Variants in NLGN1 observed in about 807,000 individuals in gnomAD.
NLGN1 encodes neuroligin-1.
NLGN1 carries 12 observed loss-of-function variants against 65.5 expected under a neutral mutation model. The observed-to-expected ratio is 0.18, with a 90% CI of 0.12 to 0.30. NLGN1 has a LOEUF of 0.30. NLGN1 is among the 10% of genes least tolerant of loss of function. The pLI is 1.00. For synonymous variants in NLGN1, 350 were observed against 359.5 expected, an observed-to-expected ratio of 0.97 and a Z score of 0.30; for missense variants, 750 against 1,007.1, an observed-to-expected ratio of 0.74 and a Z score of 3.46.
At chr3:173,938,936 G>A (rs959105040) in intron 4 of NLGN1, among the ~76,000 whole-genome samples, 1 of 152,126 alleles carries the variant, frequency 6.6e-6, no homozygotes, top group Non-Finnish European at 1.5e-5. Context: ...ATAATTTGGG[G>A]TGAAATAAGT....
At chr3:173,597,562 G>C (rs993226166) in intron 2 of NLGN1, among the ~76,000 whole-genome samples, 2 of 151,852 alleles carry the variant, frequency 1.3e-5, no homozygotes, top group Non-Finnish European at 2.9e-5. Context: ...CCACACCTTT[G>C]TATCTAGTCT....
intron 2 of NLGN1, among the ~76,000 whole-genome samples, chr3:173,473,974 T>C (rs1725755656): frequency 6.6e-6 from 1 of 152,154 alleles, no homozygotes; most frequent in African/African-American, 2.4e-5. Flanking sequence ...TTTCTTCTAG[T>C]AGCAATAAAA....
intron 4 of NLGN1, among the ~76,000 whole-genome samples, chr3:173,988,336 G>A (rs1720383591): frequency 6.6e-6 from 1 of 152,104 alleles, no homozygotes; most frequent in African/African-American, 2.4e-5. Flanking sequence ...ATAGATACAG[G>A]TTTTGTGTGT....
intron 4 of NLGN1, among the ~76,000 whole-genome samples, chr3:174,267,187 A>G (rs1450004307): frequency 6.6e-6 from 1 of 152,202 alleles, no homozygotes; most frequent in African/African-American, 2.4e-5. Context: ...TTTATAAAGC[A>G]AAAAGATTTA....
chr3:173,916,039 A>G (rs1740667104), intron 4 of NLGN1, among the ~76,000 whole-genome samples: 1 of 152,134 alleles, frequency 6.6e-6, no homozygotes, highest in Non-Finnish European at 1.5e-5. Flanking sequence ...TAACATGAGC[A>G]TGTTTTACTC....
chr3:173,865,501 C>T (rs1006538355), intron 4 of NLGN1, among the ~76,000 whole-genome samples: 1 of 151,926 alleles, frequency 6.6e-6, no homozygotes, highest in Non-Finnish European at 1.5e-5. Context: ...GTAATTTATT[C>T]CTCAATAAAT....
intron 4 of NLGN1, among the ~76,000 whole-genome samples, chr3:174,260,585 G>C (rs1333266480): frequency 7.3e-6 from 1 of 137,662 alleles, no homozygotes; most frequent in Admixed American, 7.5e-5. Flanking sequence ...CTGGATATTA[G>C]CCCTTTGTCA....
chr3:173,577,633 A>C (rs1389111016), intron 2 of NLGN1, among the ~76,000 whole-genome samples: 2 of 152,232 alleles, frequency 1.3e-5, no homozygotes, highest in Non-Finnish European at 2.9e-5. Context: ...TTTCTTATGC[A>C]TTGAATGTAA....
At chr3:174,081,551 C>A (rs969328189) in intron 4 of NLGN1, among the ~76,000 whole-genome samples, 1 of 151,658 alleles carries the variant, frequency 6.6e-6, no homozygotes, top group African/African-American at 2.4e-5. Flanking sequence ...CTAATGCCCC[C>A]CTTACATGTC....
At position 173,758,486 on chromosome 3, in the gene NLGN1, C is replaced by T. The variant is rs182229468; in HGVS notation, c.494-49194C>T. ...TTTTTACTGCTTTTAACTCCCAGAT[C>T]CCAATCCATCTGATCTTGTAGCTTT... On this transcript the variant is annotated intron_variant, in intron 3 of 6. Transcript: ENST00000457714. Among the ~76,000 whole-genome samples, 1,280 of 152,112 alleles carry T rather than the reference C, an allele frequency of 8.4e-3. 20 individuals are homozygous for T. The highest frequency in any genetic ancestry group is 8.7e-3 in the Non-Finnish European group (591 of 67,958).
At chr3:174,008,133 A>T (rs1039809004) in intron 4 of NLGN1, among the ~76,000 whole-genome samples, 31 of 152,168 alleles carry the variant, frequency 2.0e-4, no homozygotes, top group African/African-American at 7.2e-4. Context: ...TTGCAACAGC[A>T]AAGTTTGTGG....
chr3:173,568,271 T>C (rs1744044924), intron 2 of NLGN1, among the ~76,000 whole-genome samples: 1 of 151,672 alleles, frequency 6.6e-6, no homozygotes, highest in African/African-American at 2.4e-5. Flanking sequence ...CTTGACGGAG[T>C]CTTACTCTGT....
chr3:173,705,043 C>T (rs1767841153), intron 3 of NLGN1, among the ~76,000 whole-genome samples: 1 of 152,080 alleles, frequency 6.6e-6, no homozygotes, highest in Non-Finnish European at 1.5e-5. Flanking sequence ...GATAAGCCAT[C>T]TTCATTCAGA....
intron 3 of NLGN1, among the ~76,000 whole-genome samples, chr3:173,728,047 A>T (rs1387493417): frequency 6.6e-6 from 1 of 152,114 alleles, no homozygotes; most frequent in Non-Finnish European, 1.5e-5. Context: ...ATATGAAAAA[A>T]ATATAGGGAA....
chr3:173,539,378 G>A (rs1426402702), intron 2 of NLGN1, among the ~76,000 whole-genome samples: 1 of 144,546 alleles, frequency 6.9e-6, no homozygotes, highest in African/African-American at 2.6e-5. Flanking sequence ...ATATATATGT[G>A]TATATATATA....
intron 4 of NLGN1, among the ~76,000 whole-genome samples, chr3:174,171,446 TA>T (rs1311228051): frequency 1.3e-5 from 2 of 152,154 alleles, no homozygotes; most frequent in Admixed American, 6.6e-5. Flanking sequence ...TCGTTAAAAA[TA>T]AGTAGTGGCA....
At chr3:174,096,773 C>T (rs757106679) in intron 4 of NLGN1, among the ~76,000 whole-genome samples, 3 of 151,920 alleles carry the variant, frequency 2.0e-5, no homozygotes. Flanking sequence ...TGAGTACTCT[C>T]AATATTGCTT....
rs144698291 is a variant in NLGN1 at position 173,931,442 on chromosome 3, A to G, written c.646+123610A>G. Among the ~76,000 whole-genome samples the G allele has an allele frequency of 3.3e-5, 5 of 152,278 alleles. No homozygotes were observed. In the East Asian group the frequency reaches 9.7e-4, roughly 29 times the overall value. On this transcript the variant is annotated intron_variant, in intron 4 of 6. Transcript: ENST00000457714. ...AATAGATTGGTCATGGAAGGCTTCA[A>G]TGAGGAAAGATCATTTAAAGACAGG...
intron 3 of NLGN1, among the ~76,000 whole-genome samples, chr3:173,633,092 G>T (rs1221637561): frequency 6.6e-6 from 1 of 152,032 alleles, no homozygotes; most frequent in Non-Finnish European, 1.5e-5. Context: ...AGAATGTTTT[G>T]TAGGGAACTA....
Sources: gnomAD v4.1 joint callset for allele counts (sites outside exome capture counted in the v4.1 genomes callset) on GRCh38, gnomAD v4.1.1 for gene constraint, MANE v1.5 for transcripts, NCBI Gene and HGNC (gene_info 2026-07-23, HGNC 2026-07-21) for gene names.